The following ASIP variants were observed in gnomAD, a reference collection of about 807,000 sequenced individuals.
ASIP encodes agouti signaling protein.
A neutral mutation model predicts 10.3 loss-of-function variants in ASIP; 11 were observed. The observed-to-expected ratio is 1.07, with a 90% CI of 0.68 to 1.78. The LOEUF (loss-of-function observed/expected upper bound fraction) is 1.78, where lower values mean the gene tolerates loss of function less well. Ranked by LOEUF, ASIP falls within the 40% of genes most tolerant of loss-of-function variation. The probability of loss-of-function intolerance (pLI) is 0.00; values close to 1 mark genes in which losing one functional copy is unlikely to be tolerated. For synonymous variants in ASIP, 70 were observed against 70.8 expected, an observed-to-expected ratio of 0.99 and a Z score of 0.06; for missense variants, 180 against 169.2, an observed-to-expected ratio of 1.06 and a Z score of -0.35.
At chr20:34,218,474 C>T (rs1346716139) in intron 1 of ASIP, among the ~76,000 whole-genome samples, 1 of 152,136 alleles carries the variant, frequency 6.6e-6, no homozygotes, top group Non-Finnish European at 1.5e-5. Context: ...TGGCATCACC[C>T]ATTTATCATT....
In ASIP at chr20:34,235,891, AAGG is replaced by A. The variant is rs1340499980; in HGVS notation, c.-10-24472_-10-24470del. ...AAAGGAAGGAAGGAAGGAAGGAAGG[AAGG>A]AAGGAAAGGAAGGAAGGAAGGAAGG... On this transcript the variant is annotated intron_variant, in intron 1 of 3. Transcript: ENST00000568305. Among the ~76,000 whole-genome samples, 53 of 97,652 alleles carry A rather than the reference AAGG, an allele frequency of 5.4e-4. 3 individuals carry two copies. The highest frequency in any genetic ancestry group is 1.4e-3 in the East Asian group (4 of 2,772). The allele number at this position is 97,652 out of a possible 152,430, so 64.1% of individuals were successfully genotyped here.
chr20:34,242,498 G>A (rs908198599), intron 1 of ASIP, among the ~76,000 whole-genome samples: 2 of 152,190 alleles, frequency 1.3e-5, no homozygotes, highest in African/African-American at 2.4e-5. Context: ...CTCCCAAAGT[G>A]CTGGGATTAC....
upstream of ASIP, among the ~76,000 whole-genome samples, chr20:34,191,548 A>G (rs767046833): frequency 6.6e-6 from 1 of 152,146 alleles, no homozygotes; most frequent in Non-Finnish European, 1.5e-5. Flanking sequence ...CAGGCTCAGG[A>G]AATTCTCCTC....
At chr20:34,216,332 C>T (rs1163552691) in intron 1 of ASIP, among the ~76,000 whole-genome samples, 1 of 152,212 alleles carries the variant, frequency 6.6e-6, no homozygotes, top group Non-Finnish European at 1.5e-5. Context: ...CTGGCGCCAG[C>T]AGTCTCATGG....
intron 1 of ASIP, among the ~76,000 whole-genome samples, chr20:34,254,737 G>A (rs146566911): frequency 2.0e-5 from 3 of 152,212 alleles, no homozygotes; most frequent in African/African-American, 7.2e-5. Flanking sequence ...CGTTCACAAA[G>A]TTCTGAATTC....
At chr20:34,246,026 T>C (rs1296161946) in intron 1 of ASIP, 1 of 976,492 alleles carries the variant, frequency 1.0e-6, no homozygotes, top group Non-Finnish European at 1.6e-6. Flanking sequence ...ATGACATGAA[T>C]TATGTCATCT....
intron 1 of ASIP, chr20:34,215,180 C>A: frequency 6.2e-7 from 1 of 1,600,668 alleles, no homozygotes; most frequent in Non-Finnish European, 8.6e-7. Flanking sequence ...TCCCGTAGAA[C>A]TTCTATTGAC....
At chr20:34,225,328 C>T (rs1433071767) in intron 1 of ASIP, among the ~76,000 whole-genome samples, 7 of 151,116 alleles carry the variant, frequency 4.6e-5, no homozygotes, top group African/African-American at 9.7e-5. Context: ...TGTGAGCCAC[C>T]GCGCCCTGCC....
chr20:34,268,174 G>A (rs2035820508), intron 3 of ASIP, among the ~76,000 whole-genome samples: 1 of 152,136 alleles, frequency 6.6e-6, no homozygotes, highest in Non-Finnish European at 1.5e-5. Context: ...CACGTACTCA[G>A]TAGCCACAGA....
chr20:34,207,287 T>C (rs1056253733), intron 1 of ASIP, among the ~76,000 whole-genome samples: 3 of 152,252 alleles, frequency 2.0e-5, no homozygotes, highest in Non-Finnish European at 4.4e-5. Context: ...TGATTTGTAT[T>C]TCCCTGATGA....
chr20:34,223,203 C>T (rs2035062717), intron 1 of ASIP, among the ~76,000 whole-genome samples: 1 of 151,372 alleles, frequency 6.6e-6, no homozygotes, highest in South Asian at 2.1e-4. Context: ...TCCCAGCCGC[C>T]ATCACATCTA....
At chr20:34,263,509 G>A (rs1169273814) in intron 3 of ASIP, among the ~76,000 whole-genome samples, 1 of 152,046 alleles carries the variant, frequency 6.6e-6, no homozygotes, top group East Asian at 1.9e-4. Flanking sequence ...AGGTTGCAGT[G>A]AGCTTGAGCC....
rs538118969 is a variant in ASIP, at chr20:34,253,945, G to A, written c.-10-6420G>A. 8.5e-5 allele frequency among the ~76,000 whole-genome samples: 13 copies of A among 152,320 alleles called. No homozygotes were observed. In the South Asian group the frequency reaches 2.5e-3, roughly 29 times the overall value. ...GAATTTAAAAGGAGAACTGTCATCAGAGATATCACACATCAAATAACAGTC... is the reference window on the plus strand; with the variant it reads ...GAATTTAAAAGGAGAACTGTCATCAAAGATATCACACATCAAATAACAGTC... On this transcript the variant is annotated intron_variant, in intron 1 of 3. Transcript: ENST00000374954.
chr20:34,216,010 TCAGC>T (rs1673317411), intron 1 of ASIP: 2 of 698,260 alleles, frequency 2.9e-6, no homozygotes, highest in Non-Finnish European at 5.3e-6. Flanking sequence ...AACTCCATGG[TCAGC>T]CAGCGGAACG....
intron 1 of ASIP, among the ~76,000 whole-genome samples, chr20:34,242,367 G>A (rs1342182701): frequency 6.6e-6 from 1 of 152,058 alleles, no homozygotes; most frequent in Admixed American, 6.6e-5. Flanking sequence ...TGAGTAGCTG[G>A]GACAACAGGC....
upstream of ASIP, among the ~76,000 whole-genome samples, chr20:34,192,686 T>C (rs1462588824): frequency 6.6e-6 from 1 of 152,168 alleles, no homozygotes; most frequent in Non-Finnish European, 1.5e-5. Context: ...TCAACCAGGT[T>C]ACCCTCCCTG....
At chr20:34,248,203 TA>T (rs879825323) in intron 1 of ASIP, among the ~76,000 whole-genome samples, 217 of 142,186 alleles carry the variant, frequency 1.5e-3, no homozygotes, top group Middle Eastern at 3.5e-3. Context: ...AGACTCCATC[TA>T]AAAAAAAAAA....
chr20:34,204,314 G>C (rs6059714), intron 1 of ASIP, among the ~76,000 whole-genome samples: 3,000 of 151,152 alleles, frequency 0.02, 105 homozygotes, highest in African/African-American at 0.069. Context: ...TCCGCCTCGT[G>C]GGTTAAAGCG....
chr20:34,232,335 C>G (rs948044900), intron 1 of ASIP, among the ~76,000 whole-genome samples: 2 of 152,146 alleles, frequency 1.3e-5, no homozygotes, highest in Non-Finnish European at 2.9e-5. Context: ...CAGAATGTCT[C>G]TCAACAGCAT....
Sources: gnomAD v4.1 joint callset for allele counts (sites outside exome capture counted in the v4.1 genomes callset) on GRCh38, gnomAD v4.1.1 for gene constraint, MANE v1.5 for transcripts, NCBI Gene and HGNC (gene_info 2026-07-23, HGNC 2026-07-21) for gene names.